CACNB2: variants seen among roughly 807,000 people sequenced by gnomAD.
CACNB2 encodes voltage-dependent L-type calcium channel subunit beta-2.
Under a neutral mutation model 73.3 loss-of-function variants are expected in CACNB2, and 42 were observed. The observed-to-expected ratio is 0.57, with a 90% CI of 0.45 to 0.74. CACNB2 has a LOEUF of 0.74. CACNB2 is among the 30% of genes least tolerant of loss of function. The probability of loss-of-function intolerance (pLI) is 0.00; values close to 1 mark genes in which losing one functional copy is unlikely to be tolerated. For missense variants in CACNB2, 940 were observed against 853.0 expected (o/e 1.10, Z -1.27); for synonymous variants, 348 against 310.3 (o/e 1.12, Z -1.28).
intron 3 of CACNB2, among the ~76,000 whole-genome samples, chr10:18,490,842 G>A (rs1359888505): frequency 7.0e-6 from 1 of 143,280 alleles, no homozygotes. Flanking sequence ...ATAAACCCGG[G>A]CCGGTGGGGG....
At chr10:18,290,080 TTC>T (rs1408349984) in intron 2 of CACNB2, among the ~76,000 whole-genome samples, 3 of 150,842 alleles carry the variant, frequency 2.0e-5, no homozygotes, top group Non-Finnish European at 4.4e-5. Context: ...CTTAATTTCC[TTC>T]TCTTTAAAGT....
chr10:18,217,930 C>A (rs1420365156), intron 2 of CACNB2, among the ~76,000 whole-genome samples: 1 of 152,096 alleles, frequency 6.6e-6, no homozygotes, highest in Non-Finnish European at 1.5e-5. Flanking sequence ...GATGGTGGTG[C>A]ATGCTTTAGT....
At chr10:18,277,621 A>C (rs1380025049) in intron 2 of CACNB2, among the ~76,000 whole-genome samples, 2 of 152,252 alleles carry the variant, frequency 1.3e-5, no homozygotes, top group Non-Finnish European at 2.9e-5. Flanking sequence ...ACAAATGATA[A>C]TTAAAGCATA....
intron 2 of CACNB2, chr10:18,401,096 T>A (rs760386247): frequency 3.1e-6 from 5 of 1,614,176 alleles, no homozygotes; most frequent in Non-Finnish European, 1.7e-6. Context: ...AATTCTGATA[T>A]CTGTGTAAGC....
At chr10:18,465,566 T>C (rs11014358) in intron 3 of CACNB2, among the ~76,000 whole-genome samples, 53,787 of 152,034 alleles carry the variant, frequency 0.35, 14,562 homozygotes, top group East Asian at 0.76. Context: ...AGCATTACCC[T>C]ACCTTCATGT....
chr10:18,483,462 C>T (rs1278126511), intron 3 of CACNB2, among the ~76,000 whole-genome samples: 5 of 146,388 alleles, frequency 3.4e-5, no homozygotes, highest in Admixed American at 7.0e-5. Context: ...ACCCGGGAGG[C>T]GGAGGTTGCA....
intron 2 of CACNB2, among the ~76,000 whole-genome samples, chr10:18,155,819 CT>C (rs1306449374): frequency 6.6e-6 from 1 of 151,220 alleles, no homozygotes; most frequent in Non-Finnish European, 1.5e-5. Context: ...CACAATTTAA[CT>C]GTGGCTAGGC....
chr10:18,227,493 T>C (rs1209931578), intron 2 of CACNB2, among the ~76,000 whole-genome samples: 1 of 152,156 alleles, frequency 6.6e-6, no homozygotes, highest in African/African-American at 2.4e-5. Context: ...GTTATTTCAA[T>C]TCAGTAGTGT....
At chr10:18,518,805 T>G in intron 8 of CACNB2, 105 bp from the exon 9 acceptor site, 1 of 1,043,942 alleles carries the variant, frequency 9.6e-7, no homozygotes, top group Non-Finnish European at 1.5e-6. Flanking sequence ...TCTTTCCAGA[T>G]GCAAAGCTCA....
chr10:18,420,662 C>T (rs554380413), intron 3 of CACNB2, among the ~76,000 whole-genome samples: 10 of 152,326 alleles, frequency 6.6e-5, no homozygotes, highest in African/African-American at 1.7e-4. Context: ...TCACCCCAAA[C>T]ACCCTCACAG....
At chr10:18,146,496 G>A (rs993650328) in intron 1 of CACNB2, among the ~76,000 whole-genome samples, 2 of 150,116 alleles carry the variant, frequency 1.3e-5, no homozygotes, top group Non-Finnish European at 1.5e-5. Flanking sequence ...TTTGTTTTTC[G>A]AGACAGAATC....
chr10:18,208,708 A>T (rs1484256289), intron 2 of CACNB2, among the ~76,000 whole-genome samples: 1 of 148,450 alleles, frequency 6.7e-6, no homozygotes, highest in East Asian at 1.9e-4. Flanking sequence ...AAATTTTCAG[A>T]CTGGAGCCCA....
intron 2 of CACNB2, among the ~76,000 whole-genome samples, chr10:18,343,363 A>G (rs937136711): frequency 1.3e-5 from 2 of 151,928 alleles, no homozygotes; most frequent in African/African-American, 4.8e-5. Flanking sequence ...GACTGTGGTT[A>G]AGAGAAAGTA....
At chr10:18,167,715 G>A (rs1252867021) in intron 2 of CACNB2, among the ~76,000 whole-genome samples, 2 of 152,112 alleles carry the variant, frequency 1.3e-5, no homozygotes, top group South Asian at 2.1e-4. Flanking sequence ...ACAGAATGGC[G>A]CAGGGGGTAG....
intron 2 of CACNB2, among the ~76,000 whole-genome samples, chr10:18,277,027 G>C (rs2038323332): frequency 6.6e-6 from 1 of 152,192 alleles, no homozygotes; most frequent in African/African-American, 2.4e-5. Flanking sequence ...TGAGGTAGGA[G>C]GAGCTCTTGA....
chr10:18,392,591 A>C (rs1250690269), intron 2 of CACNB2, among the ~76,000 whole-genome samples: 2 of 152,306 alleles, frequency 1.3e-5, no homozygotes, highest in South Asian at 2.1e-4. Flanking sequence ...GGCAGAGAAA[A>C]TGGAGTCAAG....
At chr10:18,412,825 T>G (rs1176645061) in intron 3 of CACNB2, among the ~76,000 whole-genome samples, 1 of 152,230 alleles carries the variant, frequency 6.6e-6, no homozygotes, top group Non-Finnish European at 1.5e-5. Flanking sequence ...CAGACTGAGC[T>G]CTGTAGAGCC....
At chr10:18,529,624 C>T (rs189967025) in intron 10 of CACNB2, among the ~76,000 whole-genome samples, 1 of 152,100 alleles carries the variant, frequency 6.6e-6, no homozygotes, top group African/African-American at 2.4e-5. Flanking sequence ...CCACAACAGG[C>T]TTCTGAAAAA....
intron 2 of CACNB2, among the ~76,000 whole-genome samples, chr10:18,209,781 G>T (rs2035242947): frequency 6.6e-6 from 1 of 151,984 alleles, no homozygotes; most frequent in African/African-American, 2.4e-5. Flanking sequence ...TGATTGTCTT[G>T]AGTCATTTAC....
Sources: allele counts gnomAD v4.1 joint callset (sites outside exome capture counted in the v4.1 genomes callset), GRCh38; gene constraint gnomAD v4.1.1; transcripts MANE v1.5; gene names NCBI Gene and HGNC (gene_info 2026-07-23, HGNC 2026-07-21).